Variants in PARP8 observed in about 807,000 individuals in gnomAD.
PARP8 encodes the protein poly(ADP-ribose) polymerase family member 8.
In PARP8, 51 loss-of-function variants were observed where a neutral mutation model predicts 124.1. The ratio of observed to expected loss-of-function variants is 0.41; its 90% CI spans 0.33 to 0.52. The LOEUF is 0.52. Ranked by LOEUF, PARP8 falls within the 20% of genes least tolerant of loss-of-function variation. The pLI, the probability that PARP8 is intolerant of heterozygous loss-of-function variation, is 0.21. For synonymous variants in PARP8, 391 were observed against 361.5 expected (o/e 1.08, Z -0.93); for missense variants, 860 against 1,018.9 (o/e 0.84, Z 2.12).
intron 9 of PARP8, among the ~76,000 whole-genome samples, chr5:50,788,086 A>C (rs1358941910): frequency 3.4e-5 from 5 of 148,718 alleles, no homozygotes; most frequent in Middle Eastern, 3.6e-3. Flanking sequence ...CTTCCACTTA[A>C]AAAATAATGC....
chr5:50,685,467 C>A (rs1044478551), intron 2 of PARP8, among the ~76,000 whole-genome samples: 1 of 152,184 alleles, frequency 6.6e-6, no homozygotes, highest in African/African-American at 2.4e-5. Flanking sequence ...AGAGGGGGAA[C>A]ATCCTTTCAG....
intron 7 of PARP8, among the ~76,000 whole-genome samples, chr5:50,763,912 C>A (rs1375587067): frequency 6.6e-6 from 1 of 152,186 alleles, no homozygotes; most frequent in Non-Finnish European, 1.5e-5. Context: ...GAATTCCAGA[C>A]CCCTTTCGTA....
chr5:50,748,516 CTTTG>C (rs1758865096), intron 2 of PARP8, among the ~76,000 whole-genome samples: 2 of 152,158 alleles, frequency 1.3e-5, no homozygotes, highest in South Asian at 2.1e-4. Context: ...TCCAGAAGAG[CTTTG>C]TTTAAGACTT....
rs57507413 is a variant in PARP8, at chr5:50,808,221, A to C, written c.1576-7211A>C. Among the ~76,000 whole-genome samples, 1,015 of 151,724 alleles carry C rather than the reference A, an allele frequency of 6.7e-3. 15 individuals carry two copies. The highest frequency in any genetic ancestry group is 0.024 in the African/African-American group (974 of 41,386). On this transcript the variant is annotated intron_variant, in intron 14 of 25. Transcript: ENST00000281631. The stretch of plus-strand genomic sequence containing the variant: ...AATGCGTCTGTGACCCTTTTCCAAA[A>C]GGGATTTTGGGAACTTCAGTATTTA...
At chr5:50,686,544 C>T (rs1311965334) in intron 2 of PARP8, among the ~76,000 whole-genome samples, 1 of 152,220 alleles carries the variant, frequency 6.6e-6, no homozygotes, top group Non-Finnish European at 1.5e-5. Context: ...CGCGGTGCCC[C>T]AGTAAGGACT....
intron 23 of PARP8, chr5:50,833,359 T>C: frequency 2.3e-6 from 1 of 444,184 alleles, no homozygotes; most frequent in Non-Finnish European, 4.5e-6. Flanking sequence ...TGTGACTCTC[T>C]AGGAGAAAGA....
chr5:50,841,727 T>A (rs572459174), intron 25 of PARP8, among the ~76,000 whole-genome samples: 51 of 141,650 alleles, frequency 3.6e-4, no homozygotes, highest in South Asian at 9.1e-4. Context: ...ACTCAGACAG[T>A]CTTTTATGCG....
intron 2 of PARP8, among the ~76,000 whole-genome samples, chr5:50,706,929 A>C (rs1443273555): frequency 1.3e-5 from 2 of 152,018 alleles, no homozygotes; most frequent in African/African-American, 4.8e-5. Flanking sequence ...ACAGTGATTG[A>C]TTTCTGTAAT....
chr5:50,756,763 G>T (rs892642751), intron 3 of PARP8, among the ~76,000 whole-genome samples: 1 of 152,008 alleles, frequency 6.6e-6, no homozygotes. Flanking sequence ...TATACATTAG[G>T]TCCCAGAACG....
At chr5:50,806,111 A>T (rs567469587) in intron 14 of PARP8, among the ~76,000 whole-genome samples, 2 of 152,134 alleles carry the variant, frequency 1.3e-5, no homozygotes, top group South Asian at 4.1e-4. Flanking sequence ...CTGGGTATTC[A>T]CAGTTCTTTA....
chr5:50,669,564 T>G (rs1474089296), intron 2 of PARP8: 1 of 152,220 alleles, frequency 6.6e-6, no homozygotes, highest in African/African-American at 2.4e-5. Flanking sequence ...TTTACTTATC[T>G]GTACAATCAA....
intron 2 of PARP8, among the ~76,000 whole-genome samples, chr5:50,707,235 C>T (rs138418583): frequency 1.6e-4 from 25 of 151,972 alleles, no homozygotes; most frequent in African/African-American, 3.4e-4. Flanking sequence ...GTATATAATT[C>T]GTCATTCAAT....
At chr5:50,754,146 T>TACACAC (rs1164314465) in intron 3 of PARP8, among the ~76,000 whole-genome samples, 2 of 21,414 alleles carry the variant, frequency 9.3e-5, no homozygotes, top group African/African-American at 1.3e-4. Context: ...TATATATATA[T>TACACAC]ATATACACAC....
chr5:50,761,764 T>G, intron 5 of PARP8, 57 bp from the exon 6 acceptor site: 1 of 1,176,672 alleles, frequency 8.5e-7, no homozygotes, highest in Non-Finnish European at 1.2e-6. Context: ...CACTTGCTAT[T>G]TTAGAAAGGT....
intron 7 of PARP8, among the ~76,000 whole-genome samples, chr5:50,776,435 G>T (rs1375333265): frequency 3.3e-5 from 5 of 152,118 alleles, no homozygotes; most frequent in African/African-American, 1.2e-4. Flanking sequence ...TTCCTCTTCA[G>T]ATTTTTAGAA....
intron 25 of PARP8, among the ~76,000 whole-genome samples, chr5:50,838,215 A>C (rs751349577): frequency 2.0e-5 from 3 of 152,090 alleles, no homozygotes; most frequent in Non-Finnish European, 4.4e-5. Context: ...TTATACATCA[A>C]AGAGACTCGA....
intron 14 of PARP8, among the ~76,000 whole-genome samples, chr5:50,808,437 G>A (rs74423525): frequency 1.2e-3 from 190 of 152,092 alleles, no homozygotes; most frequent in African/African-American, 3.6e-3. Context: ...CCTTGCTCTC[G>A]CCCTGTGAAG....
chr5:50,818,305 T>G (rs1394846336), intron 15 of PARP8, among the ~76,000 whole-genome samples: 1 of 152,020 alleles, frequency 6.6e-6, no homozygotes, highest in Non-Finnish European at 1.5e-5. Flanking sequence ...TCTCAGTCAT[T>G]GTAACCTCTG....
At chr5:50,698,348 CTTA>C (rs1158276834) in intron 2 of PARP8, among the ~76,000 whole-genome samples, 1 of 152,110 alleles carries the variant, frequency 6.6e-6, no homozygotes, top group Non-Finnish European at 1.5e-5. Flanking sequence ...TAAAGCATTC[CTTA>C]TTGTTTTCAG....
Sources: allele counts gnomAD v4.1 joint callset (sites outside exome capture counted in the v4.1 genomes callset), GRCh38; gene constraint gnomAD v4.1.1; transcripts MANE v1.5; gene names NCBI Gene and HGNC (gene_info 2026-07-23, HGNC 2026-07-21).